Variants in LAMC2 observed in about 807,000 individuals in gnomAD.
LAMC2 encodes laminin subunit gamma 2, also known as laminin subunit gamma-2.
A neutral mutation model predicts 140.2 loss-of-function variants in LAMC2; 97 were observed. The ratio of observed to expected loss-of-function variants is 0.69; its 90% CI spans 0.59 to 0.82. The LOEUF (loss-of-function observed/expected upper bound fraction) is 0.82. Ranked by LOEUF, LAMC2 falls within the 40% of genes least tolerant of loss-of-function variation. The probability of loss-of-function intolerance (pLI) is 0.00; values close to 1 mark genes in which losing one functional copy is unlikely to be tolerated. For synonymous variants in LAMC2, 513 were observed against 540.2 expected, an observed-to-expected ratio of 0.95 and a Z score of 0.70; for missense variants, 1,402 against 1,476.1, an observed-to-expected ratio of 0.95 and a Z score of 0.82.
chr1:183,212,505 C>A (rs1322622186), intron 2 of LAMC2, among the ~76,000 whole-genome samples: 1 of 152,084 alleles, frequency 6.6e-6, no homozygotes, highest in Non-Finnish European at 1.5e-5. Context: ...TTTGATTAGA[C>A]CCTGCCCTGA....
chr1:183,198,290 T>C (rs1658589151), intron 1 of LAMC2, among the ~76,000 whole-genome samples: 2 of 151,894 alleles, frequency 1.3e-5, no homozygotes. Context: ...TACAGGTGCC[T>C]GCCACCACAC....
intron 17 of LAMC2, 77 bp downstream of exon 17, chr1:183,236,681 G>A: frequency 2.6e-6 from 4 of 1,525,964 alleles, no homozygotes; most frequent in Middle Eastern, 1.7e-4. Context: ...CCATAATATT[G>A]TTCAAACATT....
chr1:183,201,961 A>G (rs1350261913), intron 1 of LAMC2, among the ~76,000 whole-genome samples: 1 of 152,198 alleles, frequency 6.6e-6, no homozygotes, highest in African/African-American at 2.4e-5. Flanking sequence ...TAGAGGATCT[A>G]AGGTGACCTT....
In LAMC2 at chr1:183,243,143, A is replaced by G; in HGVS notation, c.3329-4A>G. On this transcript the variant is annotated splice_polypyrimidine_tract_variant and splice_region_variant and intron_variant, in intron 22 of 22. Coordinates refer to ENST00000264144, the MANE Select transcript of LAMC2 (RefSeq NM_005562.3). ...GTTAACTTGTGTCTCATTCCTTGAA[A>G]TAGACCAGCCTCTCAGTGTAGATGA... The G allele has an allele frequency of 6.2e-7, 1 of 1,613,882 alleles. No homozygotes were observed. Among genetic ancestry groups the G allele is most frequent in the Non-Finnish European group, 8.5e-7 (1 of 1,179,926 alleles).
chr1:183,223,475 G>A (rs1659537266), intron 7 of LAMC2, 151 bp downstream of exon 7: 1 of 717,864 alleles, frequency 1.4e-6, no homozygotes, highest in Non-Finnish European at 2.4e-6. Flanking sequence ...GCTGAGAAAG[G>A]ACATGATTCC....
intron 11 of LAMC2, among the ~76,000 whole-genome samples, chr1:183,230,047 A>C (rs1571532442): frequency 6.6e-6 from 1 of 152,222 alleles, no homozygotes; most frequent in East Asian, 1.9e-4. Flanking sequence ...GGATACAAGA[A>C]AGCACACTAT....
At chr1:183,256,553 T>C in the LAMC2 span, among the ~76,000 whole-genome samples, 1 of 152,258 alleles carries the variant, frequency 6.6e-6, no homozygotes, top group African/African-American at 2.4e-5. Flanking sequence ...TCAATTGATA[T>C]GGTCATGTGG....
At chr1:183,221,455 G>A (rs563067026) in intron 5 of LAMC2, among the ~76,000 whole-genome samples, 15 of 151,698 alleles carry the variant, frequency 9.9e-5, no homozygotes, top group South Asian at 2.1e-4. Context: ...CGGGCCAAGC[G>A]TGGTGGCTCA....
intron 9 of LAMC2, 82 bp downstream of exon 9, chr1:183,226,998 C>A: frequency 9.1e-7 from 1 of 1,102,750 alleles, no homozygotes. Context: ...CATGGCTGAA[C>A]TCACATCAGA....
In LAMC2 at chr1:183,186,277, G is replaced by T. The variant is rs2102153825; in HGVS notation, c.-76G>T. 1.3e-6 allele frequency: 2 copies of T among 1,533,628 alleles called. No individual in the cohort carries two copies. The highest frequency in any genetic ancestry group is 8.7e-7 in the Non-Finnish European group (1 of 1,144,628). On this transcript the variant is annotated 5_prime_UTR_variant, in exon 1 of 23. Coordinates refer to ENST00000264144, the MANE Select transcript of LAMC2 (RefSeq NM_005562.3). ...GAAAAGGAAGGCACAGCGGAGCGCA[G>T]AGTGAGAACCACCAACCGAGGCGCC...
At chr1:183,188,508 C>G (rs1658225133) in intron 1 of LAMC2, among the ~76,000 whole-genome samples, 1 of 152,190 alleles carries the variant, frequency 6.6e-6, no homozygotes, top group Non-Finnish European at 1.5e-5. Context: ...CCTGACCTGG[C>G]TTTACATTTT....
intron 19 of LAMC2, among the ~76,000 whole-genome samples, chr1:183,238,866 C>A (rs1660044924): frequency 6.6e-6 from 1 of 152,202 alleles, no homozygotes; most frequent in African/African-American, 2.4e-5. Context: ...AACAGAGCAA[C>A]CTTTGTCACT....
intron 4 of LAMC2, 53 bp downstream of exon 4, chr1:183,218,541 G>T (rs930724677): frequency 4.0e-5 from 52 of 1,285,774 alleles, no homozygotes; most frequent in Non-Finnish European, 5.6e-5. Context: ...TTGCCAACTA[G>T]CATGAGAATT....
the LAMC2 span, among the ~76,000 whole-genome samples, chr1:183,258,470 G>T: frequency 9.2e-5 from 14 of 151,996 alleles, no homozygotes; most frequent in African/African-American, 3.4e-4. Flanking sequence ...CCTGGTGTAG[G>T]CTGAACTAAC....
chr1:183,239,935 A>C, intron 20 of LAMC2, 105 bp from the exon 21 acceptor site: 2 of 1,264,320 alleles, frequency 1.6e-6, no homozygotes, highest in East Asian at 2.3e-5. Flanking sequence ...AATTTACTCC[A>C]TCAGGGCCCG....
chr1:183,252,616 T>C, the LAMC2 span: 1 of 1,503,756 alleles, frequency 6.7e-7, no homozygotes, highest in Non-Finnish European at 9.3e-7. Context: ...GAGGGGCCAT[T>C]GTGTTGCCGG....
chr1:183,194,417 A>G (rs995981817), intron 1 of LAMC2, among the ~76,000 whole-genome samples: 2 of 152,206 alleles, frequency 1.3e-5, no homozygotes, highest in South Asian at 4.1e-4. Flanking sequence ...ATTTTTGTGA[A>G]GGGATGTAGT....
At chr1:183,233,703 A>T (rs1015202117) in intron 14 of LAMC2, among the ~76,000 whole-genome samples, 3 of 152,164 alleles carry the variant, frequency 2.0e-5, no homozygotes, top group Non-Finnish European at 2.9e-5. Context: ...TTAAATTCAT[A>T]TAAAAAATGT....
rs561605118 is a variant in LAMC2, at chr1:183,242,509, G to A, written c.3329-638G>A. ...TTCATACTGACATTAGTTTTAGATA[G>A]TCTAAGGGTAACACATGCTTGAACA... On this transcript the variant is annotated intron_variant, in intron 22 of 22. Coordinates refer to ENST00000264144, the MANE Select transcript of LAMC2 (RefSeq NM_005562.3). 1.4e-4 allele frequency among the ~76,000 whole-genome samples: 21 copies of A among 152,304 alleles called. No individual in the cohort carries two copies. The South Asian group carries it at 3.3e-3, about 24-fold the overall frequency.
Sources: gnomAD v4.1 joint callset for allele counts (sites outside exome capture counted in the v4.1 genomes callset) on GRCh38, gnomAD v4.1.1 for gene constraint, MANE v1.5 for transcripts, NCBI Gene and HGNC (gene_info 2026-07-23, HGNC 2026-07-21) for gene names.